Variants in AGBL1 observed in about 807,000 individuals in gnomAD.
The protein encoded by AGBL1 is cytosolic carboxypeptidase 4.
In AGBL1, 130 loss-of-function variants were observed where a neutral mutation model predicts 118.9. That is an observed-to-expected ratio of 1.09 (90% CI 0.95 to 1.26). AGBL1 has a LOEUF of 1.26. AGBL1 is among the 50% of genes most tolerant of loss of function. AGBL1 has a pLI of 0.00. For synonymous variants in AGBL1, 555 were observed against 478.9 expected (o/e 1.16, Z -2.08); for missense variants, 1,584 against 1,298.1 (o/e 1.22, Z -3.38).
At chr15:86,135,438 C>T (rs900857213) in intron 1 of AGBL1, among the ~76,000 whole-genome samples, 1 of 152,166 alleles carries the variant, frequency 6.6e-6, no homozygotes, top group Non-Finnish European at 1.5e-5. Context: ...ACATAGTTGG[C>T]ACTCTGTATT....
chr15:86,849,790 G>C lies in AGBL1; in HGVS notation c.3159-57297G>C, dbSNP rs376928911. ...TGCCCAGATCCTCATCCTAGGCAGC[G>C]TGTGCTGGGTAGCATTCAGGACAGC... On this transcript the variant is annotated intron_variant, in intron 22 of 22. Transcript: ENST00000614907. 1.8e-4 allele frequency among the ~76,000 whole-genome samples: 27 copies of C among 152,292 alleles called. No homozygotes were observed. In the East Asian group the frequency reaches 4.4e-3, roughly 25 times the overall value.
intron 22 of AGBL1, among the ~76,000 whole-genome samples, chr15:86,854,574 T>C (rs2079452123): frequency 6.6e-6 from 1 of 152,220 alleles, no homozygotes; most frequent in African/African-American, 2.4e-5. Context: ...CACAACCTGA[T>C]TTTATTTCCA....
At chr15:86,764,459 T>C (rs2078068442) in intron 22 of AGBL1, among the ~76,000 whole-genome samples, 1 of 152,030 alleles carries the variant, frequency 6.6e-6, no homozygotes, top group Non-Finnish European at 1.5e-5. Flanking sequence ...TGTGGGTGGA[T>C]GGAAGTGTGT....
At chr15:86,810,800 A>T (rs912103645) in intron 22 of AGBL1, among the ~76,000 whole-genome samples, 1 of 152,156 alleles carries the variant, frequency 6.6e-6, no homozygotes, top group African/African-American at 2.4e-5. Context: ...AACAAGGATG[A>T]CTGCATTTCT....
At chr15:86,702,328 C>A (rs971087718) in intron 22 of AGBL1, among the ~76,000 whole-genome samples, 3 of 151,994 alleles carry the variant, frequency 2.0e-5, no homozygotes, top group Non-Finnish European at 4.4e-5. Context: ...TTCATCAAGT[C>A]CACTAGAGTG....
intron 23 of AGBL1, among the ~76,000 whole-genome samples, chr15:86,965,216 C>T (rs1161420796): frequency 6.6e-6 from 1 of 152,160 alleles, no homozygotes; most frequent in East Asian, 1.9e-4. Context: ...CACTCTCTTC[C>T]ACAATGGTTG....
rs191585326 is a variant in AGBL1, at chr15:86,313,314, A to G, written c.2374+17906A>G. ...TTTATTCAGATTCTGAACTCTTTAGAAAAAAAACAAAGAATTCCCACATAC... is the reference window on the plus strand; with the variant it reads ...TTTATTCAGATTCTGAACTCTTTAGGAAAAAAACAAAGAATTCCCACATAC... On this transcript the variant is annotated intron_variant, in intron 17 of 22. Coordinates refer to ENST00000614907, the MANE Select transcript of AGBL1 (RefSeq NM_001386094.1). 1.9e-3 allele frequency among the ~76,000 whole-genome samples: 285 copies of G among 149,160 alleles called. 1 individual carries two copies. Among genetic ancestry groups the G allele is most frequent in the African/African-American group, 7.1e-3 (276 of 38,882 alleles).
At chr15:87,030,854 C>T (rs986577326), downstream of AGBL1, among the ~76,000 whole-genome samples, 1 of 151,900 alleles carries the variant, frequency 6.6e-6, no homozygotes, top group Non-Finnish European at 1.5e-5. Flanking sequence ...TCTACTCGCA[C>T]CAAGCCACAG....
chr15:86,827,430 CACATATATATATGTGTGTGTATAT>C (rs2079036382), intron 22 of AGBL1, among the ~76,000 whole-genome samples: 2 of 3,940 alleles, frequency 5.1e-4, no homozygotes, highest in Non-Finnish European at 1.0e-3. Flanking sequence ...TATATATATA[CACATATATATATGTGTGTGTATAT>C]ATATATATAT....
intron 18 of AGBL1, among the ~76,000 whole-genome samples, chr15:86,447,814 C>T (rs1025646565): frequency 6.6e-6 from 1 of 152,090 alleles, no homozygotes; most frequent in Admixed American, 6.5e-5. Flanking sequence ...GGACAGTATA[C>T]CTTGTAAAAG....
intron 17 of AGBL1, among the ~76,000 whole-genome samples, chr15:86,394,096 C>A (rs755157865): frequency 6.6e-5 from 10 of 152,078 alleles, no homozygotes; most frequent in Non-Finnish European, 1.5e-4. Context: ...CTATGGAAGC[C>A]CAGAAAAAGT....
At chr15:86,237,089 G>A (rs866439609) in intron 6 of AGBL1, among the ~76,000 whole-genome samples, 28 of 152,164 alleles carry the variant, frequency 1.8e-4, no homozygotes, top group African/African-American at 6.7e-4. Context: ...TCTAAAAGCC[G>A]GGCCTTTCCT....
intron 17 of AGBL1, among the ~76,000 whole-genome samples, chr15:86,396,225 A>ATGTG (rs1193757610): frequency 0.015 from 1,866 of 128,170 alleles, 46 homozygotes; most frequent in African/African-American, 0.053. Flanking sequence ...GTGTATATAT[A>ATGTG]TGTGTGTGTG....
At chr15:86,346,794 A>G (rs1014342498) in intron 17 of AGBL1, among the ~76,000 whole-genome samples, 6 of 152,214 alleles carry the variant, frequency 3.9e-5, no homozygotes, top group Non-Finnish European at 7.3e-5. Flanking sequence ...ATAGCTTAAC[A>G]TCCACAGGAA....
At chr15:86,649,575 T>C (rs2085336251) in intron 21 of AGBL1, among the ~76,000 whole-genome samples, 1 of 152,160 alleles carries the variant, frequency 6.6e-6, no homozygotes, top group Non-Finnish European at 1.5e-5. Flanking sequence ...GCTGAGAATA[T>C]ATGCAAATAT....
intron 22 of AGBL1, among the ~76,000 whole-genome samples, chr15:86,789,994 C>T (rs1477133016): frequency 6.6e-6 from 1 of 152,120 alleles, no homozygotes; most frequent in Non-Finnish European, 1.5e-5. Flanking sequence ...TTTGCTTTCT[C>T]TTATCTGATT....
chr15:86,540,289 AAAC>A (rs1247528335), intron 19 of AGBL1, among the ~76,000 whole-genome samples: 1 of 152,182 alleles, frequency 6.6e-6, no homozygotes, highest in African/African-American at 2.4e-5. Flanking sequence ...ATCAATTGAT[AAAC>A]AACAAGATAG....
intron 22 of AGBL1, among the ~76,000 whole-genome samples, chr15:86,701,463 C>T (rs1229532876): frequency 6.6e-6 from 1 of 151,976 alleles, no homozygotes; most frequent in African/African-American, 2.4e-5. Flanking sequence ...GCTGAGTGTG[C>T]ACAAAGATAT....
chr15:86,303,331 A>C (rs1305068350), intron 17 of AGBL1, among the ~76,000 whole-genome samples: 2 of 152,150 alleles, frequency 1.3e-5, no homozygotes. Flanking sequence ...TCAAAGGAAG[A>C]TAGGTCTAGG....
Sources: allele counts gnomAD v4.1 joint callset (sites outside exome capture counted in the v4.1 genomes callset), GRCh38; gene constraint gnomAD v4.1.1; transcripts MANE v1.5; gene names NCBI Gene and HGNC (gene_info 2026-07-23, HGNC 2026-07-21).